CCDC141: variants seen among roughly 807,000 people sequenced by gnomAD.
CCDC141 encodes coiled-coil domain containing 141, also known as coiled-coil domain-containing protein 141.
In CCDC141, 168 loss-of-function variants were observed where a neutral mutation model predicts 181.0. That is an observed-to-expected ratio of 0.93 (90% confidence interval 0.82 to 1.05). CCDC141 has a LOEUF of 1.05. CCDC141 is among the 50% of genes least tolerant of loss of function. The pLI is 0.00. For synonymous variants in CCDC141, 666 were observed against 642.3 expected (o/e 1.04, Z -0.56); for missense variants, 1,902 against 1,788.5 (o/e 1.06, Z -1.14).
chr2:178,999,547 T>A (rs1430776289), intron 2 of CCDC141, among the ~76,000 whole-genome samples: 1 of 152,140 alleles, frequency 6.6e-6, no homozygotes, highest in Non-Finnish European at 1.5e-5. Context: ...AATCTTTCCA[T>A]GCTGCCAATT....
intron 2 of CCDC141, among the ~76,000 whole-genome samples, chr2:179,011,440 C>T (rs771384606): frequency 1.4e-4 from 21 of 152,208 alleles, no homozygotes; most frequent in Admixed American, 5.2e-4. Flanking sequence ...TAAACATACA[C>T]GTACCTAACA....
chr2:178,917,269 A>G (rs1405584941), intron 7 of CCDC141, among the ~76,000 whole-genome samples: 1 of 152,222 alleles, frequency 6.6e-6, no homozygotes, highest in Non-Finnish European at 1.5e-5. Context: ...AAACTTAACT[A>G]GCACCTAACA....
At position 178,938,518 on chromosome 2, in the gene CCDC141, C is replaced by T. The variant is rs192408934; in HGVS notation, c.897+6017G>A. ...GAGGATTGTTTTATGTCCAATTATG[C>T]GGTCAATTTTAGAGTATGTGCCATG... On this transcript the variant is annotated intron_variant, in intron 6 of 23. Coordinates refer to ENST00000443758, the MANE Select transcript of CCDC141 (RefSeq NM_173648.4). Among the ~76,000 whole-genome samples, 53 of 151,960 alleles carry T rather than the reference C, an allele frequency of 3.5e-4. 1 individual carries two copies. The South Asian group carries it at 9.3e-3, about 27-fold the overall frequency.
At chr2:178,985,952 C>T (rs181493898) in intron 2 of CCDC141, among the ~76,000 whole-genome samples, 7,109 of 152,268 alleles carry the variant, frequency 0.047, 211 homozygotes, top group South Asian at 0.077. Flanking sequence ...AGGGAATCCA[C>T]CCTAACTCAT....
At chr2:178,882,227 C>T (rs1252545468) in intron 11 of CCDC141, among the ~76,000 whole-genome samples, 1 of 151,878 alleles carries the variant, frequency 6.6e-6, no homozygotes, top group African/African-American at 2.4e-5. Flanking sequence ...AAAAATTAGC[C>T]GGGTATGGTG....
chr2:178,927,574 C>T (rs1394088853), intron 6 of CCDC141, among the ~76,000 whole-genome samples: 1 of 151,902 alleles, frequency 6.6e-6, no homozygotes, highest in Non-Finnish European at 1.5e-5. Flanking sequence ...GATTCTGGAT[C>T]ATAGAGCAAT....
the CCDC141 span, among the ~76,000 whole-genome samples, chr2:178,816,641 G>A: frequency 7.9e-5 from 12 of 152,136 alleles, no homozygotes; most frequent in African/African-American, 2.4e-4. Flanking sequence ...TGGCTCTGCC[G>A]TTTTGCGTTC....
chr2:178,837,051 C>G lies in CCDC141; in HGVS notation c.4168G>C (p.Glu1390Gln), dbSNP rs374313334. The G allele has an allele frequency of 1.2e-6, 2 of 1,614,014 alleles. No individual in the cohort carries two copies. The highest frequency in any genetic ancestry group is 8.5e-7 in the Non-Finnish European group (1 of 1,179,968). The change falls in exon 23 of 24, where the codon GAA (glutamate) becomes CAA (glutamine). Residue 1390 changes from glutamate to glutamine, a missense_variant. Physicochemically the swap from Glu to Gln is conservative, Grantham distance 29. Transcript: ENST00000443758. The part of the protein sequence containing the change: ...RGYQRQMVPR[E>Q]EIKSTSAKSS... Reference sequence around the variant, plus strand: ...TTTGCTGATGTGCTTTTAATCTCTTCTCGAGGAACCATTTGCCTCTGATAG... The same window carrying G: ...TTTGCTGATGTGCTTTTAATCTCTTGTCGAGGAACCATTTGCCTCTGATAG...
intron 8 of CCDC141, among the ~76,000 whole-genome samples, chr2:178,896,603 A>C (rs1687419950): frequency 6.6e-6 from 1 of 152,210 alleles, no homozygotes; most frequent in African/African-American, 2.4e-5. Flanking sequence ...TTTTTAAAAA[A>C]GGATCTATGT....
At chr2:178,870,074 A>G (rs1276019935) in intron 14 of CCDC141, among the ~76,000 whole-genome samples, 1 of 152,048 alleles carries the variant, frequency 6.6e-6, no homozygotes, top group Non-Finnish European at 1.5e-5. Context: ...TCTACCAAAA[A>G]TACAAAAATT....
At chr2:179,039,936 C>G (rs1426766140) in intron 2 of CCDC141, among the ~76,000 whole-genome samples, 5 of 152,024 alleles carry the variant, frequency 3.3e-5, no homozygotes. Context: ...CTTTAGACTT[C>G]TTGATAATTT....
chr2:178,970,707 T>C, intron 4 of CCDC141, among the ~76,000 whole-genome samples: 1 of 152,196 alleles, frequency 6.6e-6, no homozygotes, highest in East Asian at 1.9e-4. Flanking sequence ...GACACAGGCA[T>C]GGGAAAAGAC....
intron 8 of CCDC141, among the ~76,000 whole-genome samples, chr2:178,897,988 G>A (rs1687492911): frequency 6.6e-6 from 1 of 152,150 alleles, no homozygotes; most frequent in Non-Finnish European, 1.5e-5. Context: ...AGATGAGGAA[G>A]GCTGGAAGCC....
At chr2:178,820,847 G>A in the CCDC141 span, among the ~76,000 whole-genome samples, 4 of 152,096 alleles carry the variant, frequency 2.6e-5, no homozygotes, top group Admixed American at 6.5e-5. Context: ...TACCATGTGC[G>A]TGGACATTTT....
rs1269983219 is a variant in CCDC141 at position 178,918,785 on chromosome 2, T to C, written c.1020A>G (p.Glu340=). 6.4e-7 allele frequency: 1 copy of C among 1,550,610 alleles called. No individual in the cohort carries two copies. Among genetic ancestry groups the C allele is most frequent in the East Asian group, 2.4e-5 (1 of 40,926 alleles). ...SHQKLSQLQE[E]FGQLMVERNT... ...TCCTTTCCACCATGAGTTGACCAAA[T>C]TCTTCTTGAAGCTGACTGAGTTTCT... is the stretch of plus-strand genomic sequence containing the variant. Residue 340 remains glutamate, a synonymous_variant, in exon 7 of 24, where the codon GAA becomes GAG. Transcript: ENST00000443758.
At position 178,959,574 on chromosome 2, in the gene CCDC141, C is replaced by T. The variant is rs147076713; in HGVS notation, c.780+1656G>A. On this transcript the variant is annotated intron_variant, in intron 5 of 23. Coordinates refer to ENST00000443758, the MANE Select transcript of CCDC141 (RefSeq NM_173648.4). ...TATGCCAGAGTCTTCAGGAAAAGAC[C>T]TTTGCATTGGACGATAATGCTTTGG... 1.7e-3 allele frequency among the ~76,000 whole-genome samples: 254 copies of T among 152,222 alleles called. No individual in the cohort carries two copies. The South Asian group carries it at 0.02, about 12-fold the overall frequency.
intron 7 of CCDC141, among the ~76,000 whole-genome samples, chr2:178,910,573 C>T (rs1423722221): frequency 6.6e-6 from 1 of 152,188 alleles, no homozygotes; most frequent in East Asian, 1.9e-4. Flanking sequence ...CTACACATCA[C>T]CTGAGAGAAC....
At chr2:178,960,310 T>C (rs1164819073) in intron 5 of CCDC141, among the ~76,000 whole-genome samples, 1 of 152,218 alleles carries the variant, frequency 6.6e-6, no homozygotes, top group Non-Finnish European at 1.5e-5. Flanking sequence ...TTGATCATCA[T>C]GGATAAGCTC....
Position 178,834,268 on chromosome 2 carries a change from C to G in CCDC141, c.4498G>C (p.Gly1500Arg), listed in dbSNP as rs998023741. The change falls in exon 24 of 24, where the codon GGT becomes CGT. Residue 1500 changes from glycine to arginine, a missense_variant. Physicochemically the swap from Gly to Arg is moderately radical, Grantham distance 125. Transcript: ENST00000443758. ...CTTGTGATTGGCAGCCTGCAGTTACCTGTCACGTGGAGGATGACATTGGAA... is the reference window on the plus strand; with the variant it reads ...CTTGTGATTGGCAGCCTGCAGTTACGTGTCACGTGGAGGATGACATTGGAA... ...LSSNVILHVT[G>R]NCRLPITRVN... is the part of the protein sequence containing the mutation. 2.6e-6 allele frequency: 4 copies of G among 1,536,144 alleles called. No homozygotes were observed. In the Admixed American group the frequency reaches 5.9e-5, roughly 23 times the overall value.
Sources: gnomAD v4.1 joint callset for allele counts (sites outside exome capture counted in the v4.1 genomes callset) on GRCh38, gnomAD v4.1.1 for gene constraint, MANE v1.5 for transcripts, NCBI Gene and HGNC (gene_info 2026-07-23, HGNC 2026-07-21) for gene names.